The following CERKL variants were observed in gnomAD, a reference collection of about 807,000 sequenced individuals.
The protein encoded by CERKL is CERK like autophagy regulator.
Under a neutral mutation model 63.4 loss-of-function variants are expected in CERKL, and 61 were observed. The observed-to-expected ratio is 0.96, with a 90% confidence interval of 0.78 to 1.19. CERKL has a LOEUF of 1.19. CERKL is among the 50% of genes most tolerant of loss of function. CERKL has a pLI of 0.00. For missense variants in CERKL, 675 were observed against 655.5 expected, an observed-to-expected ratio of 1.03 and a Z score of -0.33; for synonymous variants, 250 against 230.5, an observed-to-expected ratio of 1.08 and a Z score of -0.77.
At chr2:181,566,008 C>T (rs1204850613) in intron 4 of CERKL, 50 bp downstream of exon 4, 1 of 1,207,622 alleles carries the variant, frequency 8.3e-7, no homozygotes, top group Non-Finnish European at 1.2e-6. Context: ...CTAGTGAAGG[C>T]ATTTAATACA....
At chr2:181,608,172 CTTTT>C (rs1030556345) in intron 1 of CERKL, among the ~76,000 whole-genome samples, 2 of 144,988 alleles carry the variant, frequency 1.4e-5, no homozygotes, top group Admixed American at 6.9e-5. Flanking sequence ...ACCCAGCTCA[CTTTT>C]TTTTTTTTAA....
chr2:181,540,250 ACTGCGTTAGAC>A (rs970274904), intron 11 of CERKL, among the ~76,000 whole-genome samples: 3 of 152,216 alleles, frequency 2.0e-5, no homozygotes, highest in African/African-American at 7.2e-5. Flanking sequence ...TTTGACAGTA[ACTGCGTTAGAC>A]CTCCTACCTC....
intron 1 of CERKL, among the ~76,000 whole-genome samples, chr2:181,624,608 A>G (rs1357070403): frequency 2.0e-5 from 3 of 152,250 alleles, no homozygotes; most frequent in African/African-American, 7.2e-5. Context: ...ACTCCAGATG[A>G]GAAATACAAT....
chr2:181,584,153 T>C (rs1362629608), intron 2 of CERKL, among the ~76,000 whole-genome samples: 1 of 152,156 alleles, frequency 6.6e-6, no homozygotes, highest in Non-Finnish European at 1.5e-5. Context: ...ACTGTTTATA[T>C]TTTCTATATG....
intron 11 of CERKL, 128 bp from the exon 12 acceptor site, chr2:181,539,392 C>G: frequency 1.5e-6 from 1 of 653,082 alleles, no homozygotes; most frequent in South Asian, 1.9e-5. Context: ...AGCTTTGAGA[C>G]TATGAACAGG....
In CERKL at chr2:181,549,494, T is replaced by C. The variant is rs532880295; in HGVS notation, c.895+140A>G. The C allele has an allele frequency of 8.2e-5, 56 of 681,892 alleles. No homozygotes were observed. The African/African-American group carries it at 9.0e-4, about 11-fold the overall frequency. The allele number at this position is 681,892 out of a possible 1,614,324, so 42.2% of individuals were successfully genotyped here. A position where few individuals can be genotyped will look rare whatever the true frequency, so the allele number is the denominator to read the frequency against. On this transcript the variant is annotated intron_variant, in intron 6 of 12. Coordinates refer to ENST00000410087, the MANE Select transcript of CERKL (RefSeq NM_201548.5). ...ATCCACATAGTAAAGCATTGCCTTT[T>C]GGTTTTTTAGTCAAACATTTCTCTA...
At chr2:181,604,255 T>C (rs1685583917) in intron 1 of CERKL, among the ~76,000 whole-genome samples, 176 bp from the exon 2 acceptor site, 1 of 152,062 alleles carries the variant, frequency 6.6e-6, no homozygotes, top group Admixed American at 6.6e-5. Context: ...CAAACCCCCA[T>C]GACACAAATG....
At chr2:181,603,565 G>A (rs1221009702) in intron 2 of CERKL, among the ~76,000 whole-genome samples, 1 of 152,096 alleles carries the variant, frequency 6.6e-6, no homozygotes, top group East Asian at 1.9e-4. Flanking sequence ...CATGGCCATT[G>A]GGGAGTTATT....
chr2:181,636,864 C>T (rs187991046), intron 1 of CERKL, among the ~76,000 whole-genome samples: 23 of 152,214 alleles, frequency 1.5e-4, no homozygotes, highest in African/African-American at 5.3e-4. Flanking sequence ...ATTTATAATG[C>T]TCTGTAAGTA....
intron 1 of CERKL, among the ~76,000 whole-genome samples, chr2:181,612,263 T>C (rs1474237633): frequency 6.6e-6 from 1 of 152,202 alleles, no homozygotes; most frequent in African/African-American, 2.4e-5. Context: ...TGTCATCTGT[T>C]TTGTTTTTTA....
intron 1 of CERKL, among the ~76,000 whole-genome samples, chr2:181,623,213 ACTAT>A (rs371328928): frequency 1.8e-4 from 28 of 152,332 alleles, no homozygotes; most frequent in African/African-American, 6.3e-4. Context: ...ATATCTTTCA[ACTAT>A]CTATCAACTG....
At chr2:181,595,886 A>T (rs1574482478) in intron 2 of CERKL, among the ~76,000 whole-genome samples, 2 of 152,324 alleles carry the variant, frequency 1.3e-5, no homozygotes, top group South Asian at 4.1e-4. Context: ...TAATGAGATA[A>T]TTCATAAAAG....
At chr2:181,636,509 C>A (rs747675058) in intron 1 of CERKL, among the ~76,000 whole-genome samples, 2 of 151,986 alleles carry the variant, frequency 1.3e-5, no homozygotes, top group Admixed American at 6.6e-5. Context: ...TAATGCCCAG[C>A]CTTTGTCACA....
At position 181,604,091 on chromosome 2, in the gene CERKL, A is replaced by T. The variant is rs6433923; in HGVS notation, c.239-12T>A. On this transcript the variant is annotated splice_polypyrimidine_tract_variant and intron_variant, in intron 1 of 12. Coordinates refer to ENST00000410087, the MANE Select transcript of CERKL (RefSeq NM_201548.5). ...ATACTTAGAATCACCTGAAAAAAAA[A>T]TAAATTTTCCAATTAAAACCATTGT... The T allele has an allele frequency of 0.11, 173,269 of 1,577,114 alleles. 19,076 individuals are homozygous for T. The highest frequency in any genetic ancestry group is 0.58 in the African/African-American group (42,062 of 72,630).
intron 2 of CERKL, among the ~76,000 whole-genome samples, chr2:181,582,584 T>G (rs1172589166): frequency 6.6e-6 from 1 of 150,878 alleles, no homozygotes; most frequent in Non-Finnish European, 1.5e-5. Context: ...CAGGCTGAAG[T>G]GCAGTGGCTG....
Position 181,536,793 on chromosome 2 carries a change from T to C in CERKL, c.*1391A>G, listed in dbSNP as rs201397970. ...AATCATTTTTGTAATATTTATTTTATGCTTATGATCTAGATAATTGCAGAA... is the reference window on the plus strand; with the variant it reads ...AATCATTTTTGTAATATTTATTTTACGCTTATGATCTAGATAATTGCAGAA... On this transcript the variant is annotated 3_prime_UTR_variant, in exon 13 of 13. Transcript: ENST00000410087. 1.2e-4 allele frequency: 31 copies of C among 256,148 alleles called. No individual in the cohort carries two copies. Among genetic ancestry groups the C allele is most frequent in the Admixed American group, 5.0e-4 (10 of 20,188 alleles). 15.9% of individuals were successfully genotyped at this position (256,148 alleles called of 1,614,324 possible).
chr2:181,634,402 T>C (rs747888752), intron 1 of CERKL, among the ~76,000 whole-genome samples: 4 of 152,112 alleles, frequency 2.6e-5, no homozygotes, highest in Non-Finnish European at 5.9e-5. Context: ...AATATCCGTA[T>C]CAAATGCACA....
chr2:181,548,864 T>C lies in CERKL; in HGVS notation c.896-7A>G, dbSNP rs1431707626. The C allele has an allele frequency of 6.2e-7, 1 of 1,612,478 alleles. No homozygotes were observed. Among genetic ancestry groups the C allele is most frequent in the Admixed American group, 1.7e-5 (1 of 59,950 alleles). ...TCGACCAGCTGTACATGCCCTTGAA[T>C]ATTACATTAAATATTAATCAGTGAG... On this transcript the variant is annotated splice_polypyrimidine_tract_variant and splice_region_variant and intron_variant, in intron 6 of 12. Transcript: ENST00000410087.
intron 1 of CERKL, among the ~76,000 whole-genome samples, chr2:181,651,037 T>G (rs1687915861): frequency 6.6e-6 from 1 of 152,130 alleles, no homozygotes; most frequent in African/African-American, 2.4e-5. Flanking sequence ...GAATCAGTAA[T>G]AAAGTCTTTC....
Sources: gnomAD v4.1 joint callset for allele counts (sites outside exome capture counted in the v4.1 genomes callset) on GRCh38, gnomAD v4.1.1 for gene constraint, MANE v1.5 for transcripts, NCBI Gene and HGNC (gene_info 2026-07-23, HGNC 2026-07-21) for gene names.